Variants in PBX1 observed in about 807,000 individuals in gnomAD.
The protein encoded by PBX1 is pre-B-cell leukemia transcription factor 1.
PBX1 carries 6 observed loss-of-function variants against 53.4 expected under a neutral mutation model. The observed-to-expected ratio is 0.11, with a 90% CI of 0.06 to 0.22. PBX1 has a LOEUF of 0.22. PBX1 is among the 10% of genes least tolerant of loss of function. PBX1 has a pLI of 1.00. For missense variants in PBX1, 251 were observed against 551.4 expected, an observed-to-expected ratio of 0.46 and a Z score of 5.46; for synonymous variants, 204 against 212.3, an observed-to-expected ratio of 0.96 and a Z score of 0.34.
intron 2 of PBX1, among the ~76,000 whole-genome samples, chr1:164,746,103 T>C (rs1319561629): frequency 6.6e-6 from 1 of 152,232 alleles, no homozygotes; most frequent in Non-Finnish European, 1.5e-5. Context: ...AATGAAGTGT[T>C]AAATTAATTT....
chr1:164,779,692 G>C (rs1351246349), intron 2 of PBX1, among the ~76,000 whole-genome samples: 2 of 152,214 alleles, frequency 1.3e-5, no homozygotes, highest in Non-Finnish European at 2.9e-5. Context: ...AGGGTGCTTA[G>C]CATGCTGGCC....
At chr1:164,854,890 C>T (rs571168209), downstream of PBX1, among the ~76,000 whole-genome samples, 11 of 151,664 alleles carry the variant, frequency 7.3e-5, no homozygotes, top group South Asian at 2.1e-3. Flanking sequence ...CTCTCTCCCA[C>T]AATGCCCAGT....
At chr1:164,689,064 A>G (rs1662298647) in intron 2 of PBX1, among the ~76,000 whole-genome samples, 1 of 152,222 alleles carries the variant, frequency 6.6e-6, no homozygotes, top group South Asian at 2.1e-4. Flanking sequence ...CGAGCTGGGG[A>G]ATGAGTAATT....
At chr1:164,592,024 G>A (rs757563779) in intron 2 of PBX1, among the ~76,000 whole-genome samples, 112 of 151,882 alleles carry the variant, frequency 7.4e-4, no homozygotes, top group Admixed American at 3.4e-3. Flanking sequence ...TTCTAAGAAT[G>A]TGATTCCTGA....
chr1:164,789,720 C>A (rs1668396105), intron 2 of PBX1, among the ~76,000 whole-genome samples: 2 of 152,142 alleles, frequency 1.3e-5, no homozygotes, highest in Non-Finnish European at 2.9e-5. Flanking sequence ...GCATGCAGGA[C>A]CAGTTGGGTG....
chr1:164,747,228 T>C (rs1422947863), intron 2 of PBX1, among the ~76,000 whole-genome samples: 1 of 152,160 alleles, frequency 6.6e-6, no homozygotes, highest in African/African-American at 2.4e-5. Context: ...AGAATGATCT[T>C]TTTTAAAAAA....
chr1:164,739,434 A>G (rs1665477682), intron 2 of PBX1, among the ~76,000 whole-genome samples: 1 of 152,126 alleles, frequency 6.6e-6, no homozygotes, highest in African/African-American at 2.4e-5. Flanking sequence ...AAGCGAAATT[A>G]TTCCAAGATT....
chr1:164,857,717 A>T (rs917312820), intron 2 of PBX1, among the ~76,000 whole-genome samples: 12 of 152,156 alleles, frequency 7.9e-5, no homozygotes, highest in Non-Finnish European at 1.6e-4. Flanking sequence ...CTGTACCAGG[A>T]ACTGGGGACA....
chr1:164,706,711 T>G (rs575200001), intron 2 of PBX1, among the ~76,000 whole-genome samples: 2 of 152,272 alleles, frequency 1.3e-5, no homozygotes, highest in East Asian at 3.9e-4. Context: ...CTAATTTAAG[T>G]AACAGTGAGA....
intron 2 of PBX1, among the ~76,000 whole-genome samples, chr1:164,612,746 C>G (rs1317965534): frequency 6.6e-6 from 1 of 152,140 alleles, no homozygotes; most frequent in South Asian, 2.1e-4. Context: ...CCTCTGTTCC[C>G]GTCTTCCTGG....
chr1:164,590,486 A>C, intron 2 of PBX1: 1 of 455,930 alleles, frequency 2.2e-6, no homozygotes, highest in Non-Finnish European at 4.4e-6. Context: ...ACTGACGAGG[A>C]GGAAGTTAAG....
At chr1:164,766,738 ATT>A (rs35564181) in intron 2 of PBX1, among the ~76,000 whole-genome samples, 3,098 of 69,214 alleles carry the variant, frequency 0.045, 79 homozygotes, top group African/African-American at 0.1. Context: ...TTATTTATTT[ATT>A]TTTTTTTTTT....
downstream of PBX1, chr1:164,851,886 A>G (rs1049746715): frequency 6.2e-6 from 1 of 161,226 alleles, no homozygotes; most frequent in African/African-American, 2.4e-5. Flanking sequence ...CTCTTTCCCC[A>G]AACTAGGCCT....
At chr1:164,643,132 C>T (rs1659242584) in intron 2 of PBX1, among the ~76,000 whole-genome samples, 1 of 152,042 alleles carries the variant, frequency 6.6e-6, no homozygotes, top group Non-Finnish European at 1.5e-5. Context: ...GTGATTTCAC[C>T]AAGGATGATG....
At chr1:164,584,386 C>T (rs984806690) in intron 2 of PBX1, among the ~76,000 whole-genome samples, 1 of 150,594 alleles carries the variant, frequency 6.6e-6, no homozygotes, top group African/African-American at 2.5e-5. Context: ...AGAGAGAGAT[C>T]TAAAAGTAGT....
intron 2 of PBX1, among the ~76,000 whole-genome samples, chr1:164,618,296 GC>G (rs56098901): frequency 0.1 from 971 of 9,486 alleles, 58 homozygotes; most frequent in East Asian, 0.31. Context: ...AATAATCACG[GC>G]GGGGGGGGGG....
At chr1:164,717,473 G>A (rs1421829393) in intron 2 of PBX1, among the ~76,000 whole-genome samples, 2 of 152,124 alleles carry the variant, frequency 1.3e-5, no homozygotes, top group Non-Finnish European at 2.9e-5. Flanking sequence ...ACTGAGCTCT[G>A]TCTAGGATTA....
intron 2 of PBX1, among the ~76,000 whole-genome samples, chr1:164,866,753 A>G (rs1007254383): frequency 6.6e-6 from 1 of 152,188 alleles, no homozygotes; most frequent in African/African-American, 2.4e-5. Flanking sequence ...AAGCCAGATA[A>G]CTATACTTTG....
rs75396995 is a variant in PBX1 at position 164,787,066 on chromosome 1, G to A, written c.266-5428G>A. Among the ~76,000 whole-genome samples the A allele has an allele frequency of 1.4e-3, 211 of 152,276 alleles. 1 individual carries two copies. The highest frequency in any genetic ancestry group is 2.1e-3 in the Non-Finnish European group (142 of 68,018). On this transcript the variant is annotated intron_variant, in intron 2 of 8. Transcript: ENST00000420696. The stretch of plus-strand genomic sequence containing the variant: ...TCCTAAAACTGCATAGCTGACTTGG[G>A]AATGAGGCGGGGAGAGCTGGTCTCT...
Sources: allele counts gnomAD v4.1 joint callset (sites outside exome capture counted in the v4.1 genomes callset), GRCh38; gene constraint gnomAD v4.1.1; transcripts MANE v1.5; gene names NCBI Gene and HGNC (gene_info 2026-07-23, HGNC 2026-07-21).